The following CRISP1 variants were observed in gnomAD, a reference collection of about 807,000 sequenced individuals.
The protein encoded by CRISP1 is cysteine rich secretory protein 1, also known as cysteine-rich secretory protein 1.
Under a neutral mutation model 33.1 loss-of-function variants are expected in CRISP1, and 44 were observed. The ratio of observed to expected loss-of-function variants is 1.33; its 90% CI spans 1.05 to 1.71. The LOEUF is 1.71. Ranked by LOEUF, CRISP1 falls within the 40% of genes most tolerant of loss-of-function variation. CRISP1 has a pLI of 0.00. For missense variants in CRISP1, 390 were observed against 301.2 expected, an observed-to-expected ratio of 1.29 and a Z score of -2.18; for synonymous variants, 103 against 98.7, an observed-to-expected ratio of 1.04 and a Z score of -0.26.
rs56006658 is a variant in CRISP1 at position 49,837,901 on chromosome 6, T to TAAAA, written c.622+532_622+535dup. On this transcript the variant is annotated intron_variant, in intron 7 of 7. Transcript: ENST00000335847. ...CTTAGGTAAGATTTATTCAAGAAATTAAAAAAAAAAAAGAGGCTTTAAGGA... is the reference window on the plus strand; with the variant it reads ...CTTAGGTAAGATTTATTCAAGAAATTAAAAAAAAAAAAAAAAGAGGCTTTAAGGA... Among the ~76,000 whole-genome samples, 36 of 144,248 alleles carry TAAAA rather than the reference T, an allele frequency of 2.5e-4. No individual in the cohort carries two copies. In the Middle Eastern group the frequency reaches 0.011, roughly 43 times the overall value. 94.6% of individuals were successfully genotyped at this position (144,248 alleles called of 152,430 possible).
intron 1 of CRISP1, among the ~76,000 whole-genome samples, chr6:49,875,496 G>A (rs1411395454): frequency 6.6e-6 from 1 of 152,080 alleles, no homozygotes; most frequent in Admixed American, 6.6e-5. Flanking sequence ...TAGAGTCAAT[G>A]CTATTCCCAT....
intron 1 of CRISP1, among the ~76,000 whole-genome samples, chr6:49,873,427 A>G (rs1771969503): frequency 1.3e-5 from 2 of 152,040 alleles, no homozygotes; most frequent in Non-Finnish European, 2.9e-5. Context: ...GTCTTCATAA[A>G]TTTTTAGTTT....
At chr6:49,835,498 G>C (rs1770758260) in intron 7 of CRISP1, 55 bp from the exon 8 acceptor site, 16 of 1,565,740 alleles carry the variant, frequency 1.0e-5, no homozygotes, top group Non-Finnish European at 1.3e-5. Context: ...CGCATTTGCT[G>C]AGGAAAGAGA....
chr6:49,860,384 C>T (rs1190093762), intron 1 of CRISP1, among the ~76,000 whole-genome samples: 1 of 152,064 alleles, frequency 6.6e-6, no homozygotes, highest in Non-Finnish European at 1.5e-5. Context: ...AAACAAGTCT[C>T]AACAAGTTTT....
chr6:49,846,924 G>T (rs1038168189), intron 4 of CRISP1, among the ~76,000 whole-genome samples: 3 of 152,124 alleles, frequency 2.0e-5, no homozygotes, highest in African/African-American at 7.2e-5. Flanking sequence ...TTCAGTCTCT[G>T]CTGCTTCCAA....
intron 1 of CRISP1, among the ~76,000 whole-genome samples, chr6:49,864,152 T>C (rs1240036473): frequency 6.6e-6 from 1 of 152,160 alleles, no homozygotes; most frequent in Non-Finnish European, 1.5e-5. Context: ...CTATTTTTAA[T>C]GTCTAACCTT....
rs1431461806 is a variant in CRISP1 at position 49,866,511 on chromosome 6, A to G, written c.-85T>C. ...TAGTGTATTTGTGCTTTTAAATGAC[A>G]GTCCACAGGGGAGATTTGTTCAATG... On this transcript the variant is annotated 5_prime_UTR_variant, in exon 1 of 8. Coordinates refer to ENST00000335847, the MANE Select transcript of CRISP1 (RefSeq NM_001131.3). 4 of 152,160 alleles carry G rather than the reference A, an allele frequency of 2.6e-5. No homozygotes were observed. The allele number at this position is 152,160 out of a possible 1,614,324, so 9.4% of individuals were successfully genotyped here. A position where few individuals can be genotyped will look rare whatever the true frequency, so the allele number is the denominator to read the frequency against.
chr6:49,854,341 C>T (rs1435336521), intron 2 of CRISP1, among the ~76,000 whole-genome samples: 1 of 152,136 alleles, frequency 6.6e-6, no homozygotes, highest in East Asian at 1.9e-4. Flanking sequence ...TTTGGCCCTT[C>T]CCAGCAGTGT....
At position 49,835,386 on chromosome 6, in the gene CRISP1, A is replaced by T; in HGVS notation, c.680T>A (p.Leu227Gln). ...GATAGTTGTTGAGTGGTTGCATCCC[A>T]GATAATGGACTTGTATGTCACAGTC... ...YFDCDIQVHY[L>Q]GCNHSTTILF... The change falls in exon 8 of 8, where the codon CTG becomes CAG. Residue 227 changes from leucine to glutamine, a missense_variant. By Grantham distance (113) the Leu-to-Gln change is moderately radical. Coordinates refer to ENST00000335847, the MANE Select transcript of CRISP1 (RefSeq NM_001131.3). 1 of 1,613,720 alleles carries T rather than the reference A, an allele frequency of 6.2e-7. No homozygotes were observed. Among genetic ancestry groups the T allele is most frequent in the East Asian group, 2.2e-5 (1 of 44,840 alleles).
At chr6:49,837,061 T>C (rs1034127736) in intron 7 of CRISP1, among the ~76,000 whole-genome samples, 1 of 152,110 alleles carries the variant, frequency 6.6e-6, no homozygotes, top group Non-Finnish European at 1.5e-5. Context: ...TTATCTGTTG[T>C]TCTTAATTTA....
chr6:49,858,754 T>C (rs1054901240), intron 1 of CRISP1, among the ~76,000 whole-genome samples: 1 of 152,082 alleles, frequency 6.6e-6, no homozygotes, highest in Non-Finnish European at 1.5e-5. Flanking sequence ...GTAAAGCAGA[T>C]AATATTAACC....
At chr6:49,847,800 A>G (rs1161781467) in intron 4 of CRISP1, among the ~76,000 whole-genome samples, 7 of 152,128 alleles carry the variant, frequency 4.6e-5, no homozygotes, top group African/African-American at 7.2e-5. Context: ...GCAGCTGAGC[A>G]GGGCTGCATA....
intron 1 of CRISP1, among the ~76,000 whole-genome samples, chr6:49,862,904 A>T (rs545649495): frequency 6.6e-6 from 1 of 152,004 alleles, no homozygotes; most frequent in African/African-American, 2.4e-5. Context: ...TCAAAATATG[A>T]GGGTAAAAGT....
In CRISP1 at chr6:49,876,262, G is replaced by A. The variant is rs182150773; in HGVS notation, c.-3+747C>T. On this transcript the variant is annotated intron_variant, in intron 1 of 7. Transcript: ENST00000505118. ...AGATACTTCTCAAAAGAAGACATTC[G>A]TGCAGGCAACAACATATGAAAAGAA... Among the ~76,000 whole-genome samples, 26 of 152,062 alleles carry A rather than the reference G, an allele frequency of 1.7e-4. No individual in the cohort carries two copies. In the East Asian group the frequency reaches 3.3e-3, roughly 19 times the overall value.
chr6:49,871,639 A>C (rs1771926953), intron 1 of CRISP1, among the ~76,000 whole-genome samples: 1 of 142,834 alleles, frequency 7.0e-6, no homozygotes, highest in African/African-American at 2.6e-5. Context: ...TATGAGTGAG[A>C]ACACGTGGTG....
intron 7 of CRISP1, 43 bp from the exon 8 acceptor site, chr6:49,835,486 A>C (rs12200814): frequency 0.05 from 80,285 of 1,593,952 alleles, 2,280 homozygotes; most frequent in Middle Eastern, 0.061. Context: ...TCTTTTAAAA[A>C]TCGCATTTGC....
At chr6:49,853,213 T>C (rs1771402542) in intron 2 of CRISP1, among the ~76,000 whole-genome samples, 1 of 152,174 alleles carries the variant, frequency 6.6e-6, no homozygotes, top group South Asian at 2.1e-4. Flanking sequence ...CGGACCCACA[T>C]GATTCCACAT....
upstream of CRISP1, among the ~76,000 whole-genome samples, chr6:49,869,273 G>T (rs915660600): frequency 6.6e-6 from 1 of 152,114 alleles, no homozygotes; most frequent in African/African-American, 2.4e-5. Flanking sequence ...GGTGCTGTTT[G>T]TTGGTGCGAA....
Position 49,834,534 on chromosome 6 carries a change from CA to C in CRISP1, c.*781del, listed in dbSNP as rs1270336568. The C allele has an allele frequency of 6.6e-6, 1 of 152,066 alleles. No individual in the cohort carries two copies. Among genetic ancestry groups the C allele is most frequent in the Non-Finnish European group, 1.5e-5 (1 of 67,998 alleles). 9.4% of individuals were successfully genotyped at this position (152,066 alleles called of 1,614,324 possible). ...CCACCCTAAGGCTTTCCTGAATCTC[CA>C]AACAGAAGCTATTTATGCTCATCTG... is the stretch of plus-strand genomic sequence containing the variant. On this transcript the variant is annotated 3_prime_UTR_variant, in exon 8 of 8. Coordinates refer to ENST00000335847, the MANE Select transcript of CRISP1 (RefSeq NM_001131.3).
Sources: gnomAD v4.1 joint callset for allele counts (sites outside exome capture counted in the v4.1 genomes callset) on GRCh38, gnomAD v4.1.1 for gene constraint, MANE v1.5 for transcripts, NCBI Gene and HGNC (gene_info 2026-07-23, HGNC 2026-07-21) for gene names.